CNTN5: variants seen among roughly 807,000 people sequenced by gnomAD.
CNTN5 encodes contactin 5, also known as contactin-5.
In CNTN5, 77 loss-of-function variants were observed where a neutral mutation model predicts 129.1. The observed-to-expected ratio is 0.60, with a 90% CI of 0.50 to 0.72. The LOEUF (loss-of-function observed/expected upper bound fraction) is 0.72, where lower values mean the gene tolerates loss of function less well. Among genes scored for constraint, CNTN5 ranks in the 30% least tolerant of loss-of-function variants. The pLI, the probability that CNTN5 is intolerant of heterozygous loss-of-function variation, is 0.00. For missense variants in CNTN5, 1,478 were observed against 1,328.8 expected, an observed-to-expected ratio of 1.11 and a Z score of -1.75; for synonymous variants, 509 against 465.6, an observed-to-expected ratio of 1.09 and a Z score of -1.20.
chr11:99,826,771 T>C (rs953996041), intron 4 of CNTN5, among the ~76,000 whole-genome samples: 3 of 152,176 alleles, frequency 2.0e-5, no homozygotes, highest in East Asian at 1.9e-4. Context: ...CTAAAAATTT[T>C]ATCTGTGTTA....
At chr11:99,443,658 C>A (rs533608935) in intron 2 of CNTN5, among the ~76,000 whole-genome samples, 29 of 152,102 alleles carry the variant, frequency 1.9e-4, no homozygotes, top group South Asian at 4.2e-4. Context: ...GCATATAGAG[C>A]TATGCTTTCC....
chr11:99,450,003 C>A (rs141938089), intron 2 of CNTN5, among the ~76,000 whole-genome samples: 4 of 151,772 alleles, frequency 2.6e-5, no homozygotes, highest in African/African-American at 9.7e-5. Flanking sequence ...TTTTTTTGAT[C>A]GACAAACTGA....
At chr11:99,526,953 A>C (rs545699464) in intron 2 of CNTN5, among the ~76,000 whole-genome samples, 1 of 141,936 alleles carries the variant, frequency 7.0e-6, no homozygotes, top group African/African-American at 2.4e-5. Context: ...GGTTTGATTG[A>C]ACAAACAGGT....
chr11:100,109,851 T>G lies in CNTN5; in HGVS notation c.1580+35557T>G, dbSNP rs112578970. Among the ~76,000 whole-genome samples the G allele has an allele frequency of 6.3e-3, 959 of 152,268 alleles. 8 individuals carry two copies. Among genetic ancestry groups the G allele is most frequent in the African/African-American group, 0.02 (836 of 41,546 alleles). On this transcript the variant is annotated intron_variant, in intron 13 of 24. Transcript: ENST00000524871. The stretch of plus-strand genomic sequence containing the variant: ...ATTTCTCCTTGGCTTTGGAGTTAGC[T>G]CACTCATTTCTACATTCTAGCTGTC...
chr11:99,739,703 A>T (rs1420168483), intron 3 of CNTN5, among the ~76,000 whole-genome samples: 4 of 152,156 alleles, frequency 2.6e-5, no homozygotes, highest in African/African-American at 9.7e-5. Context: ...AATTCAGATG[A>T]GATTTCTTAC....
chr11:100,054,168 A>G (rs146788478), intron 9 of CNTN5, among the ~76,000 whole-genome samples: 3 of 151,798 alleles, frequency 2.0e-5, no homozygotes, highest in African/African-American at 4.8e-5. Context: ...CAAGAGTGAG[A>G]GCAGCACAAA....
intron 2 of CNTN5, among the ~76,000 whole-genome samples, chr11:99,408,434 AAGAAAGAAAGAAAG>A (rs749926654): frequency 0.088 from 6,454 of 72,928 alleles, 255 homozygotes; most frequent in African/African-American, 0.19. Context: ...AAGAAAAAGA[AAGAAAGAAAGAAAG>A]AGAAAGAAAG....
intron 1 of CNTN5, among the ~76,000 whole-genome samples, chr11:99,288,174 G>C (rs3101412): frequency 1.3e-5 from 2 of 151,816 alleles, no homozygotes; most frequent in Non-Finnish European, 2.9e-5. Flanking sequence ...TGGGTAATTA[G>C]CTTGTGGAAT....
intron 2 of CNTN5, among the ~76,000 whole-genome samples, chr11:99,509,646 C>T (rs75126642): frequency 0.057 from 8,668 of 151,752 alleles, 259 homozygotes; most frequent in South Asian, 0.08. Flanking sequence ...TATGATGTCC[C>T]AGAGGTTTTG....
At chr11:99,975,513 G>A (rs1292466932) in intron 8 of CNTN5, among the ~76,000 whole-genome samples, 1 of 152,186 alleles carries the variant, frequency 6.6e-6, no homozygotes, top group Non-Finnish European at 1.5e-5. Context: ...ACCTGAGACA[G>A]GGTAATTTAT....
At chr11:99,141,365 C>A (rs1339590944) in intron 1 of CNTN5, among the ~76,000 whole-genome samples, 1 of 151,140 alleles carries the variant, frequency 6.6e-6, no homozygotes, top group Non-Finnish European at 1.5e-5. Flanking sequence ...TAATGATAAT[C>A]TCTTCTTTGT....
At chr11:99,801,775 C>T (rs1446809236) in intron 3 of CNTN5, among the ~76,000 whole-genome samples, 1 of 152,152 alleles carries the variant, frequency 6.6e-6, no homozygotes, top group African/African-American at 2.4e-5. Context: ...ATTCAAGAAG[C>T]TCTGATATTT....
chr11:100,334,309 G>T lies in CNTN5; in HGVS notation c.2731-6154G>T, dbSNP rs573742878. On this transcript the variant is annotated intron_variant, in intron 21 of 24. Transcript: ENST00000524871. ...ATGTTGGCGTGGATGTGGTGAAAAA[G>T]TTACACTTTTACACTGTTGGTGGGA... Among the ~76,000 whole-genome samples, 3 of 152,248 alleles carry T rather than the reference G, an allele frequency of 2.0e-5. No homozygotes were observed. The East Asian group carries it at 5.8e-4, about 29-fold the overall frequency.
intron 15 of CNTN5, among the ~76,000 whole-genome samples, chr11:100,220,961 T>G (rs1939697): frequency 0.81 from 123,007 of 152,158 alleles, 49,802 homozygotes; most frequent in East Asian, 0.9. Flanking sequence ...GCATTCATCA[T>G]CTCGCTTAAT....
chr11:100,324,497 C>A (rs1279151946), intron 21 of CNTN5, among the ~76,000 whole-genome samples: 3 of 152,068 alleles, frequency 2.0e-5, no homozygotes, highest in South Asian at 2.1e-4. Context: ...AATAAAATTT[C>A]TTTTCTCAAT....
At chr11:99,089,748 C>A (rs774165327) in intron 1 of CNTN5, among the ~76,000 whole-genome samples, 1 of 152,118 alleles carries the variant, frequency 6.6e-6, no homozygotes, top group East Asian at 1.9e-4. Flanking sequence ...CTAAACAATA[C>A]GGGACAAATA....
At chr11:99,104,166 A>G (rs998907133) in intron 1 of CNTN5, among the ~76,000 whole-genome samples, 1 of 152,194 alleles carries the variant, frequency 6.6e-6, no homozygotes, top group Non-Finnish European at 1.5e-5. Context: ...TTTAAACGTC[A>G]TCTGACATAA....
chr11:99,462,360 C>CTTTTTTTTTTTTTTTTTTCTTTTTTT (rs72276833), intron 2 of CNTN5, among the ~76,000 whole-genome samples: 1 of 125,284 alleles, frequency 8.0e-6, no homozygotes, highest in Non-Finnish European at 1.7e-5. Context: ...CTTTTCTTTT[C>CTTTTTTTTTTTTTTTTTTCTTTTTTT]TTTTTTTTTT....
chr11:100,290,282 AG>A (rs1297647210), intron 18 of CNTN5, among the ~76,000 whole-genome samples: 2 of 152,206 alleles, frequency 1.3e-5, no homozygotes, highest in African/African-American at 4.8e-5. Flanking sequence ...GAACCAAAAA[AG>A]AGCCTGCATT....
Sources: allele counts gnomAD v4.1 joint callset (sites outside exome capture counted in the v4.1 genomes callset), GRCh38; gene constraint gnomAD v4.1.1; transcripts MANE v1.5; gene names NCBI Gene and HGNC (gene_info 2026-07-23, HGNC 2026-07-21).